SHANK2: variants seen among roughly 807,000 people sequenced by gnomAD.
SHANK2 encodes SH3 and multiple ankyrin repeat domains 2.
SHANK2 carries 43 observed loss-of-function variants against 133.7 expected under a neutral mutation model. The ratio of observed to expected loss-of-function variants is 0.32; its 90% CI spans 0.25 to 0.41. SHANK2 has a LOEUF of 0.41. Ranked by LOEUF, SHANK2 falls within the 10% of genes least tolerant of loss-of-function variation. The pLI is 1.00. For missense variants in SHANK2, 1,994 were observed against 2,235.8 expected (o/e 0.89, Z 2.18); for synonymous variants, 1,017 against 952.8 (o/e 1.07, Z -1.24).
chr11:71,226,993 AAG>A (rs1954654033), intron 1 of SHANK2, among the ~76,000 whole-genome samples: 1 of 152,150 alleles, frequency 6.6e-6, no homozygotes, highest in Admixed American at 6.5e-5. Flanking sequence ...AGAGACAAAG[AAG>A]ATTGTATATT....
chr11:70,498,394 G>A (rs1316439243), intron 21 of SHANK2, among the ~76,000 whole-genome samples: 4 of 152,236 alleles, frequency 2.6e-5, no homozygotes, highest in Non-Finnish European at 5.9e-5. Context: ...CTTGGACCCT[G>A]GTGGACTGGT....
intron 21 of SHANK2, among the ~76,000 whole-genome samples, chr11:70,499,777 C>T (rs1384035267): frequency 1.3e-5 from 2 of 152,184 alleles, no homozygotes; most frequent in Admixed American, 6.5e-5. Flanking sequence ...GCAGAGAGGC[C>T]GCTGGGATGA....
chr11:70,573,618 G>T (rs782214413), intron 17 of SHANK2, among the ~76,000 whole-genome samples: 7 of 151,760 alleles, frequency 4.6e-5, no homozygotes, highest in Non-Finnish European at 8.8e-5. Context: ...ACATGAAGAT[G>T]ACCCCAGTGG....
chr11:71,065,885 G>A (rs1951049100), intron 9 of SHANK2, among the ~76,000 whole-genome samples: 1 of 130,966 alleles, frequency 7.6e-6, no homozygotes, highest in Non-Finnish European at 1.6e-5. Context: ...AAGTTGGGGG[G>A]GATACAGAAC....
At chr11:70,713,593 A>C (rs1467374800) in intron 14 of SHANK2, among the ~76,000 whole-genome samples, 1 of 152,194 alleles carries the variant, frequency 6.6e-6, no homozygotes, top group Non-Finnish European at 1.5e-5. Flanking sequence ...TCGGAAAGCC[A>C]GGGTGAGGTG....
intron 6 of SHANK2, among the ~76,000 whole-genome samples, chr11:71,098,891 T>C (rs1951672156): frequency 6.6e-6 from 1 of 151,804 alleles, no homozygotes; most frequent in Non-Finnish European, 1.5e-5. Flanking sequence ...GAGAGCATAG[T>C]GTGGGAAACA....
rs868968637 is a variant in SHANK2, at chr11:70,909,481, G to A, written c.1108-12914C>T. Among the ~76,000 whole-genome samples the A allele has an allele frequency of 2.6e-5, 4 of 152,138 alleles. No homozygotes were observed. In the East Asian group the frequency reaches 5.8e-4, roughly 22 times the overall value. On this transcript the variant is annotated intron_variant, in intron 10 of 25. Transcript: ENST00000601538. ...TACCCATGTTTACCCAACACGACAC[G>A]CAGCCCAGCATCTAAATACAGTCTC...
intron 21 of SHANK2, among the ~76,000 whole-genome samples, chr11:70,498,688 G>A (rs971877338): frequency 6.6e-6 from 1 of 152,210 alleles, no homozygotes; most frequent in African/African-American, 2.4e-5. Flanking sequence ...GGACAGACCC[G>A]GGATTTGAGG....
chr11:70,513,988 A>G (rs562233210), intron 17 of SHANK2, among the ~76,000 whole-genome samples: 6 of 152,290 alleles, frequency 3.9e-5, no homozygotes, highest in African/African-American at 1.4e-4. Flanking sequence ...GAATTCCCCA[A>G]TTAGGTGAAG....
intron 17 of SHANK2, among the ~76,000 whole-genome samples, chr11:70,619,746 T>C (rs539428446): frequency 3.3e-5 from 5 of 152,284 alleles, no homozygotes; most frequent in Admixed American, 3.3e-4. Flanking sequence ...CTCATTCTCT[T>C]TGGGGCTGTC....
chr11:71,146,883 G>A (rs368864217), intron 3 of SHANK2, among the ~76,000 whole-genome samples: 1 of 152,200 alleles, frequency 6.6e-6, no homozygotes, highest in Non-Finnish European at 1.5e-5. Flanking sequence ...GTTTGTGGAT[G>A]GAGTTGGGGA....
intron 16 of SHANK2, among the ~76,000 whole-genome samples, chr11:70,660,335 A>G (rs1555012918): frequency 1.3e-5 from 2 of 152,146 alleles, no homozygotes; most frequent in Non-Finnish European, 2.9e-5. Flanking sequence ...ACCACACTAA[A>G]CCACTTGCCA....
chr11:71,180,788 G>A (rs1477650048), intron 2 of SHANK2, among the ~76,000 whole-genome samples: 3 of 151,908 alleles, frequency 2.0e-5, no homozygotes, highest in East Asian at 2.0e-4. Flanking sequence ...CAAGAAGGAC[G>A]GAATTTTTAC....
chr11:70,756,285 C>T (rs769927758), intron 14 of SHANK2, among the ~76,000 whole-genome samples: 34 of 152,142 alleles, frequency 2.2e-4, no homozygotes, highest in Non-Finnish European at 3.8e-4. Context: ...TACCTGAAAA[C>T]GCTCAAATGC....
intron 17 of SHANK2, among the ~76,000 whole-genome samples, chr11:70,521,610 A>C (rs1554971006): frequency 6.6e-6 from 1 of 152,152 alleles, no homozygotes; most frequent in East Asian, 1.9e-4. Context: ...TAAAAAGGAG[A>C]AATGAGCAGA....
chr11:70,782,347 G>A (rs565417978), intron 14 of SHANK2, among the ~76,000 whole-genome samples: 10 of 152,322 alleles, frequency 6.6e-5, no homozygotes, highest in African/African-American at 1.7e-4. Flanking sequence ...GTGAGCCACC[G>A]CGCCCAGCCT....
chr11:70,826,450 G>A (rs1273958529), intron 11 of SHANK2: 11 of 470,586 alleles, frequency 2.3e-5, no homozygotes, highest in Admixed American at 1.6e-4. Context: ...CCCGGCTCCC[G>A]ACAGCTTTTT....
intron 16 of SHANK2, 121 bp downstream of exon 16, chr11:70,661,475 G>A: frequency 9.3e-7 from 1 of 1,075,912 alleles, no homozygotes. Flanking sequence ...TTCCTGAGCT[G>A]GGGAACGTTT....
At chr11:70,829,422 G>C (rs551104379) in intron 11 of SHANK2, among the ~76,000 whole-genome samples, 33 of 152,276 alleles carry the variant, frequency 2.2e-4, no homozygotes, top group Admixed American at 2.0e-3. Context: ...GGGCTGCCCA[G>C]GGAGAAGGGA....
Sources: gnomAD v4.1 joint callset for allele counts (sites outside exome capture counted in the v4.1 genomes callset) on GRCh38, gnomAD v4.1.1 for gene constraint, MANE v1.5 for transcripts, NCBI Gene and HGNC (gene_info 2026-07-23, HGNC 2026-07-21) for gene names.